AASDH: variants seen among roughly 807,000 people sequenced by gnomAD.
AASDH encodes beta-alanine-activating enzyme.
AASDH carries 81 observed loss-of-function variants against 102.3 expected under a neutral mutation model. That is an observed-to-expected ratio of 0.79 (90% CI 0.66 to 0.95). The LOEUF (loss-of-function observed/expected upper bound fraction) is 0.95. AASDH is among the 40% of genes least tolerant of loss of function. The probability of loss-of-function intolerance (pLI) is 0.00; values close to 1 mark genes in which losing one functional copy is unlikely to be tolerated. For missense variants in AASDH, 1,203 were observed against 1,266.2 expected, an observed-to-expected ratio of 0.95 and a Z score of 0.76; for synonymous variants, 398 against 454.0, an observed-to-expected ratio of 0.88 and a Z score of 1.57.
chr4:56,366,566 A>G (rs1751038920), intron 5 of AASDH, among the ~76,000 whole-genome samples: 1 of 152,236 alleles, frequency 6.6e-6, no homozygotes, highest in African/African-American at 2.4e-5. Flanking sequence ...CTGGTTCAAT[A>G]TATGCAAATC....
At chr4:56,354,878 T>A in intron 6 of AASDH, 67 bp from the exon 7 acceptor site, 2 of 1,269,978 alleles carry the variant, frequency 1.6e-6, no homozygotes, top group East Asian at 2.5e-5. Flanking sequence ...CCAATATATT[T>A]AAATCATACT....
intron 5 of AASDH, among the ~76,000 whole-genome samples, chr4:56,366,491 A>C (rs1751029946): frequency 1.3e-5 from 2 of 152,196 alleles, no homozygotes; most frequent in Admixed American, 1.3e-4. Context: ...GGCAAACCGA[A>C]TCCAGCAGCA....
At chr4:56,342,470 C>T (rs932699665) in intron 14 of AASDH, among the ~76,000 whole-genome samples, 2 of 151,982 alleles carry the variant, frequency 1.3e-5, no homozygotes, top group African/African-American at 4.8e-5. Flanking sequence ...TTTAAACTTT[C>T]ATAATCTCAA....
At chr4:56,352,458 A>C (rs529529310) in intron 9 of AASDH, among the ~76,000 whole-genome samples, 1 of 152,226 alleles carries the variant, frequency 6.6e-6, no homozygotes, top group Admixed American at 6.5e-5. Context: ...CAGTGGCGCA[A>C]CCTCGGCTTA....
In AASDH at chr4:56,349,221, T is replaced by C. The variant is rs75009051; in HGVS notation, c.2488+42A>G. 3.1e-3 allele frequency: 4,904 copies of C among 1,583,626 alleles called. 147 individuals carry two copies. In the African/African-American group the frequency reaches 0.057, roughly 19 times the overall value. ...TGGGCCTATGAAGATTATTGTATGG[T>C]AATTCAATTTAACTCCACAAACCTC... On this transcript the variant is annotated intron_variant, in intron 11 of 14. Coordinates refer to ENST00000205214, the MANE Select transcript of AASDH (RefSeq NM_181806.4).
chr4:56,374,564 A>C (rs561632356), intron 4 of AASDH, among the ~76,000 whole-genome samples: 24 of 152,114 alleles, frequency 1.6e-4, no homozygotes, highest in Non-Finnish European at 3.4e-4. Flanking sequence ...CCCAAGTGTT[A>C]TCACAAACTT....
chr4:56,343,695 GAAAAC>G lies in AASDH; in HGVS notation c.2653-16_2653-12del. ...AACACACTTCTTTCTCTGCAAATAA[GAAAAC>G]AAATTAATTTGTTCTTGTTGATGGT... is the stretch of plus-strand genomic sequence containing the variant. On this transcript the variant is annotated splice_polypyrimidine_tract_variant and intron_variant, in intron 12 of 14. Coordinates refer to ENST00000205214, the MANE Select transcript of AASDH (RefSeq NM_181806.4). The G allele has an allele frequency of 6.2e-7, 1 of 1,600,192 alleles. No individual in the cohort carries two copies. Among genetic ancestry groups the G allele is most frequent in the South Asian group, 1.1e-5 (1 of 88,038 alleles).
At chr4:56,366,524 G>C (rs1162158508) in intron 5 of AASDH, among the ~76,000 whole-genome samples, 4 of 152,196 alleles carry the variant, frequency 2.6e-5, no homozygotes, top group African/African-American at 4.8e-5. Context: ...TATCCACCAT[G>C]ATCAAGTGGG....
At chr4:56,360,995 T>C (rs968416523) in intron 5 of AASDH, among the ~76,000 whole-genome samples, 3 of 152,200 alleles carry the variant, frequency 2.0e-5, no homozygotes, top group Non-Finnish European at 4.4e-5. Context: ...GGGGCTAAAA[T>C]GGTCCTGGCT....
intron 5 of AASDH, among the ~76,000 whole-genome samples, chr4:56,365,718 C>T (rs530212934): frequency 9.9e-5 from 15 of 151,998 alleles, no homozygotes; most frequent in Non-Finnish European, 1.9e-4. Flanking sequence ...GCATTCAAAG[C>T]AGTGTGTAGA....
At chr4:56,373,262 C>T (rs1277359067) in intron 4 of AASDH, among the ~76,000 whole-genome samples, 1 of 152,126 alleles carries the variant, frequency 6.6e-6, no homozygotes, top group Non-Finnish European at 1.5e-5. Context: ...GCCTCAGCTT[C>T]CCGAGTAGCT....
intron 1 of AASDH, among the ~76,000 whole-genome samples, chr4:56,384,646 T>C (rs1753345092): frequency 6.6e-6 from 1 of 151,852 alleles, no homozygotes; most frequent in African/African-American, 2.4e-5. Flanking sequence ...ACAATGTAAA[T>C]ATGAAATATA....
At chr4:56,371,124 T>A (rs1431471987) in intron 5 of AASDH, among the ~76,000 whole-genome samples, 1 of 152,210 alleles carries the variant, frequency 6.6e-6, no homozygotes, top group Non-Finnish European at 1.5e-5. Context: ...TAGTTTTTCA[T>A]GAGAAACACA....
intron 6 of AASDH, 107 bp downstream of exon 6, chr4:56,355,075 C>T (rs1010630395): frequency 6.1e-6 from 8 of 1,308,206 alleles, no homozygotes; most frequent in Middle Eastern, 2.5e-4. Flanking sequence ...CAGATACAAT[C>T]GTGTTTCTAA....
intron 5 of AASDH, among the ~76,000 whole-genome samples, chr4:56,358,319 T>A (rs1254003084): frequency 3.3e-5 from 5 of 151,670 alleles, no homozygotes; most frequent in African/African-American, 1.2e-4. Flanking sequence ...CTTCCTCCTG[T>A]CCAATGTAAG....
intron 4 of AASDH, among the ~76,000 whole-genome samples, chr4:56,372,244 G>A (rs971587262): frequency 7.9e-5 from 12 of 152,138 alleles, no homozygotes; most frequent in Admixed American, 5.2e-4. Flanking sequence ...TCATGGCCAC[G>A]GGATTCCAGC....
chr4:56,346,148 T>C (rs76912635), intron 11 of AASDH, among the ~76,000 whole-genome samples: 2 of 152,308 alleles, frequency 1.3e-5, no homozygotes, highest in East Asian at 3.9e-4. Flanking sequence ...TCAAATTCCC[T>C]GGAGATCATG....
At chr4:56,378,558 T>C (rs1197166682) in intron 3 of AASDH, 94 bp from the exon 4 acceptor site, 3 of 1,087,716 alleles carry the variant, frequency 2.8e-6, no homozygotes, top group African/African-American at 3.2e-5. Flanking sequence ...CATCCCTCAG[T>C]ATCCTTGGGG....
intron 5 of AASDH, among the ~76,000 whole-genome samples, chr4:56,363,232 A>G (rs1750541180): frequency 6.6e-6 from 1 of 152,196 alleles, no homozygotes; most frequent in Non-Finnish European, 1.5e-5. Context: ...CAGGAAGCTC[A>G]AACTGGGTGG....
Sources: gnomAD v4.1 joint callset for allele counts (sites outside exome capture counted in the v4.1 genomes callset) on GRCh38, gnomAD v4.1.1 for gene constraint, MANE v1.5 for transcripts, NCBI Gene and HGNC (gene_info 2026-07-23, HGNC 2026-07-21) for gene names.